Variants in KAZN observed in about 807,000 individuals in gnomAD.
The protein encoded by KAZN is kazrin, periplakin interacting protein.
Under a neutral mutation model 87.4 loss-of-function variants are expected in KAZN, and 40 were observed. That is an observed-to-expected ratio of 0.46 (90% CI 0.36 to 0.60). The LOEUF (loss-of-function observed/expected upper bound fraction) is 0.60. KAZN is among the 20% of genes least tolerant of loss of function. The pLI is 0.00. For missense variants in KAZN, 898 were observed against 1,073.9 expected, an observed-to-expected ratio of 0.84 and a Z score of 2.29; for synonymous variants, 466 against 458.3, an observed-to-expected ratio of 1.02 and a Z score of -0.22.
chr1:14,577,169 G>A (rs981950804), intron 2 of KAZN, among the ~76,000 whole-genome samples: 5 of 152,124 alleles, frequency 3.3e-5, no homozygotes, highest in Non-Finnish European at 7.4e-5. Flanking sequence ...TAATCAGTAA[G>A]AATAAAATTC....
At chr1:14,410,421 GT>G (rs1307869528) in intron 2 of KAZN, among the ~76,000 whole-genome samples, 1 of 152,160 alleles carries the variant, frequency 6.6e-6, no homozygotes, top group East Asian at 1.9e-4. Flanking sequence ...TTTAATAGGA[GT>G]TCCAGAACTA....
At chr1:14,198,958 C>G (rs1204691244) in intron 2 of KAZN, among the ~76,000 whole-genome samples, 1 of 152,106 alleles carries the variant, frequency 6.6e-6, no homozygotes, top group Non-Finnish European at 1.5e-5. Flanking sequence ...AATCAATACA[C>G]ATTAGGGCTT....
intron 1 of KAZN, among the ~76,000 whole-genome samples, chr1:14,099,351 C>A (rs959288696): frequency 6.6e-6 from 1 of 152,070 alleles, no homozygotes; most frequent in Non-Finnish European, 1.5e-5. Flanking sequence ...ATTAATTTTT[C>A]TTTCTCTCTT....
chr1:14,290,158 T>G (rs946986586), intron 2 of KAZN, among the ~76,000 whole-genome samples: 17 of 152,150 alleles, frequency 1.1e-4, no homozygotes, highest in Non-Finnish European at 1.9e-4. Flanking sequence ...ATGTGTCTTG[T>G]GGTTGCTCTT....
intron 1 of KAZN, among the ~76,000 whole-genome samples, chr1:14,158,049 T>C (rs547450737): frequency 1.8e-4 from 28 of 152,324 alleles, no homozygotes; most frequent in Middle Eastern, 3.4e-3. Context: ...GAGATTTGGA[T>C]GGGGACATAG....
At chr1:14,425,468 A>G (rs1489605800) in intron 2 of KAZN, among the ~76,000 whole-genome samples, 1 of 152,164 alleles carries the variant, frequency 6.6e-6, no homozygotes, top group Non-Finnish European at 1.5e-5. Context: ...ATGCCCTCAC[A>G]TGTCCCAGCT....
intron 2 of KAZN, among the ~76,000 whole-genome samples, chr1:14,985,779 G>A (rs979973684): frequency 6.6e-5 from 10 of 151,802 alleles, no homozygotes; most frequent in Non-Finnish European, 1.5e-4. Context: ...TGAGGCAGGC[G>A]GATCATGAGG....
At chr1:14,644,211 C>T (rs916894168) in intron 1 of KAZN, among the ~76,000 whole-genome samples, 2 of 151,564 alleles carry the variant, frequency 1.3e-5, no homozygotes, top group Non-Finnish European at 2.9e-5. Context: ...GGGGTTTCAC[C>T]ATGTTGGCCA....
chr1:14,366,638 A>C (rs947705790), intron 2 of KAZN, among the ~76,000 whole-genome samples: 4 of 152,220 alleles, frequency 2.6e-5, no homozygotes, highest in African/African-American at 4.8e-5. Flanking sequence ...TTTGTGTGCC[A>C]GCGGGAAGAA....
intron 1 of KAZN, among the ~76,000 whole-genome samples, chr1:14,683,630 G>C (rs1640799459): frequency 6.6e-6 from 1 of 152,176 alleles, no homozygotes; most frequent in Admixed American, 6.6e-5. Context: ...AACCTCATTA[G>C]AGTATCAGCT....
chr1:14,617,092 C>T (rs1254876977), intron 1 of KAZN, among the ~76,000 whole-genome samples: 1 of 152,214 alleles, frequency 6.6e-6, no homozygotes, highest in Admixed American at 6.5e-5. Flanking sequence ...ATTCAGACAC[C>T]TGGGTTAAAC....
intron 1 of KAZN, among the ~76,000 whole-genome samples, chr1:14,623,190 CTA>C (rs1678849762): frequency 1.3e-5 from 2 of 152,130 alleles, no homozygotes; most frequent in Non-Finnish European, 2.9e-5. Flanking sequence ...CATTGCAGCA[CTA>C]TTCACAATAG....
intron 1 of KAZN, among the ~76,000 whole-genome samples, chr1:14,698,185 G>A (rs149406021): frequency 2.6e-5 from 4 of 152,326 alleles, no homozygotes; most frequent in Admixed American, 6.5e-5. Context: ...TGGTCCACAT[G>A]TTAAAGGTTC....
At chr1:14,126,788 A>G (rs1644879258) in intron 1 of KAZN, among the ~76,000 whole-genome samples, 1 of 152,150 alleles carries the variant, frequency 6.6e-6, no homozygotes, top group African/African-American at 2.4e-5. Context: ...GAGAATGATG[A>G]TGTAACTACC....
chr1:14,256,337 C>G (rs1042525757), intron 2 of KAZN, among the ~76,000 whole-genome samples: 1 of 152,038 alleles, frequency 6.6e-6, no homozygotes, highest in African/African-American at 2.4e-5. Context: ...ATTAGACACC[C>G]CATATTACCC....
intron 2 of KAZN, among the ~76,000 whole-genome samples, chr1:14,286,069 A>G (rs942360258): frequency 6.6e-6 from 1 of 152,194 alleles, no homozygotes; most frequent in Non-Finnish European, 1.5e-5. Context: ...CCATGTCTGT[A>G]TTAGTTTGCT....
At chr1:14,934,694 G>A (rs978397276) in intron 1 of KAZN, among the ~76,000 whole-genome samples, 4 of 152,250 alleles carry the variant, frequency 2.6e-5, no homozygotes, top group Non-Finnish European at 4.4e-5. Context: ...CCCCAGCACT[G>A]GAGGCATCAG....
At chr1:14,715,012 G>C (rs956803275) in intron 1 of KAZN, among the ~76,000 whole-genome samples, 1 of 151,850 alleles carries the variant, frequency 6.6e-6, no homozygotes, top group Non-Finnish European at 1.5e-5. Flanking sequence ...GCCCAGGCTG[G>C]TCTCAAACTC....
intron 1 of KAZN, among the ~76,000 whole-genome samples, chr1:13,987,614 G>A (rs1639081722): frequency 6.6e-6 from 1 of 152,064 alleles, no homozygotes; most frequent in South Asian, 2.1e-4. Flanking sequence ...TCTGGGGAGG[G>A]CCTGCTTATT....
Sources: allele counts gnomAD v4.1 joint callset (sites outside exome capture counted in the v4.1 genomes callset), GRCh38; gene constraint gnomAD v4.1.1; transcripts MANE v1.5; gene names NCBI Gene and HGNC (gene_info 2026-07-23, HGNC 2026-07-21).